The following TOX2 variants were observed in gnomAD, a reference collection of about 807,000 sequenced individuals.
The protein encoded by TOX2 is TOX high mobility group box family member 2.
TOX2 carries 15 observed loss-of-function variants against 47.4 expected under a neutral mutation model. The ratio of observed to expected loss-of-function variants is 0.32; its 90% CI spans 0.21 to 0.49. The LOEUF (loss-of-function observed/expected upper bound fraction) is 0.49. Ranked by LOEUF, TOX2 falls within the 20% of genes least tolerant of loss-of-function variation. TOX2 has a pLI of 0.99. For synonymous variants in TOX2, 290 were observed against 296.6 expected (o/e 0.98, Z 0.23); for missense variants, 622 against 673.1 (o/e 0.92, Z 0.84).
intron 3 of TOX2, among the ~76,000 whole-genome samples, chr20:44,026,945 C>T (rs1405524778): frequency 6.6e-6 from 1 of 152,312 alleles, no homozygotes; most frequent in Non-Finnish European, 1.5e-5. Flanking sequence ...TCAGTCTCGG[C>T]TTAACCAGCC....
At chr20:44,032,780 T>C (rs1423465170) in intron 3 of TOX2, among the ~76,000 whole-genome samples, 1 of 152,180 alleles carries the variant, frequency 6.6e-6, no homozygotes, top group Non-Finnish European at 1.5e-5. Context: ...CCCAGGGGCT[T>C]GGTGACCCGT....
At chr20:43,933,410 A>C (rs937132170) in intron 1 of TOX2, among the ~76,000 whole-genome samples, 1 of 152,180 alleles carries the variant, frequency 6.6e-6, no homozygotes, top group Non-Finnish European at 1.5e-5. Flanking sequence ...GAATCACATG[A>C]GGGTCTTGTG....
intron 3 of TOX2, among the ~76,000 whole-genome samples, chr20:44,026,629 G>A (rs1465836163): frequency 6.6e-6 from 1 of 151,920 alleles, no homozygotes; most frequent in Non-Finnish European, 1.5e-5. Context: ...CCTAAAAAGG[G>A]GGTGCTGGAG....
chr20:44,021,802 A>AT (rs34597914), intron 3 of TOX2, among the ~76,000 whole-genome samples: 95,461 of 145,036 alleles, frequency 0.66, 31,394 homozygotes, highest in East Asian at 0.78. Context: ...CTAATTTTTG[A>AT]TTTTTTTTTT....
At chr20:44,000,751 G>C (rs1005021248) in intron 2 of TOX2, among the ~76,000 whole-genome samples, 1 of 152,028 alleles carries the variant, frequency 6.6e-6, no homozygotes, top group Admixed American at 6.6e-5. Context: ...AACCAACAAA[G>C]GACATACAGA....
At chr20:44,053,489 T>C (rs1185785147) in intron 4 of TOX2, among the ~76,000 whole-genome samples, 1 of 146,716 alleles carries the variant, frequency 6.8e-6, no homozygotes, top group Admixed American at 6.8e-5. Context: ...TATACACACA[T>C]ATATATACAG....
At chr20:43,979,318 G>A (rs1056399575) in intron 2 of TOX2, among the ~76,000 whole-genome samples, 1 of 152,172 alleles carries the variant, frequency 6.6e-6, no homozygotes, top group African/African-American at 2.4e-5. Flanking sequence ...CAATGACTCT[G>A]AGATGTTGAG....
chr20:44,021,134 G>A (rs1484608910), intron 3 of TOX2, among the ~76,000 whole-genome samples: 1 of 152,154 alleles, frequency 6.6e-6, no homozygotes, highest in African/African-American at 2.4e-5. Context: ...GAAAAGAAAG[G>A]GGGCCTAGGA....
At chr20:44,042,005 CAT>C (rs1329603676) in intron 3 of TOX2, among the ~76,000 whole-genome samples, 2 of 152,200 alleles carry the variant, frequency 1.3e-5, no homozygotes, top group African/African-American at 2.4e-5. Flanking sequence ...TCAGGTAAAA[CAT>C]GTGTATTAGT....
intron 2 of TOX2, among the ~76,000 whole-genome samples, chr20:43,979,105 G>A (rs2070129123): frequency 6.6e-6 from 1 of 152,138 alleles, no homozygotes; most frequent in Non-Finnish European, 1.5e-5. Context: ...GAAACCCTGG[G>A]GATTTGCAGG....
At chr20:44,033,206 G>T (rs1273035906) in intron 3 of TOX2, among the ~76,000 whole-genome samples, 1 of 152,150 alleles carries the variant, frequency 6.6e-6, no homozygotes, top group Non-Finnish European at 1.5e-5. Context: ...CACGGGGGAG[G>T]CTTCCTATTG....
chr20:43,923,540 A>T (rs966954937), intron 1 of TOX2, among the ~76,000 whole-genome samples: 1 of 152,218 alleles, frequency 6.6e-6, no homozygotes, highest in African/African-American at 2.4e-5. Flanking sequence ...CCAGTCTGGG[A>T]TCCACACTTA....
chr20:43,956,559 T>TAAAA (rs11474983), intron 1 of TOX2, among the ~76,000 whole-genome samples: 1 of 120,474 alleles, frequency 8.3e-6, no homozygotes, highest in Non-Finnish European at 1.7e-5. Context: ...GTTCTATCTT[T>TAAAA]AAAAAAAAAA....
At chr20:43,935,443 G>A (rs1164046993) in intron 1 of TOX2, among the ~76,000 whole-genome samples, 3 of 152,222 alleles carry the variant, frequency 2.0e-5, no homozygotes, top group South Asian at 2.1e-4. Flanking sequence ...GAGTTGGGGC[G>A]GGGACGAGGA....
chr20:44,066,737 C>G lies in TOX2; in HGVS notation c.1364C>G (p.Pro455Arg). 6.2e-7 allele frequency: 1 copy of G among 1,614,152 alleles called. No individual in the cohort carries two copies. Among genetic ancestry groups the G allele is most frequent in the Non-Finnish European group, 8.5e-7 (1 of 1,180,008 alleles). Reference sequence around the variant, plus strand: ...CTCCTTCCCACTCTGTAGGACTTCCCGCACATCTCTGAGTTCCCCAGCAGC... The same window carrying G: ...CTCCTTCCCACTCTGTAGGACTTCCGGCACATCTCTGAGTTCCCCAGCAGC... ...SPSPPGPQDF[P>R]HISEFPSSSG... Residue 455 changes from proline to arginine, a missense_variant, in exon 8 of 9, where the codon CCG becomes CGG. Pro to Arg is a moderately radical substitution (Grantham distance 103). Transcript: ENST00000341197.
In TOX2 at chr20:44,018,092, A is replaced by AG. The variant is rs34122406; in HGVS notation, c.411+11305dup. Among the ~76,000 whole-genome samples the AG allele has an allele frequency of 3.9e-5, 6 of 152,264 alleles. No individual in the cohort carries two copies. The South Asian group carries it at 8.3e-4, about 21-fold the overall frequency. On this transcript the variant is annotated intron_variant, in intron 3 of 8. Coordinates refer to ENST00000341197, the MANE Select transcript of TOX2 (RefSeq NM_001098797.2). ...TGTCCCGGCACCGAAGGCTTCCTGG[A>AG]GGGGGTAGCCTTGGGGGCCAGAGGA...
chr20:43,957,371 T>C (rs774398054), intron 1 of TOX2, among the ~76,000 whole-genome samples: 1 of 152,256 alleles, frequency 6.6e-6, no homozygotes, highest in Non-Finnish European at 1.5e-5. Context: ...GTAGCTGTTA[T>C]AAGCGTGAGC....
intron 1 of TOX2, among the ~76,000 whole-genome samples, chr20:43,923,336 A>G (rs1188417926): frequency 6.6e-6 from 1 of 152,206 alleles, no homozygotes; most frequent in African/African-American, 2.4e-5. Context: ...CTGATGGGAA[A>G]GTCTAATGAC....
chr20:43,954,279 T>G (rs1043519802), intron 1 of TOX2, among the ~76,000 whole-genome samples: 5 of 152,194 alleles, frequency 3.3e-5, no homozygotes, highest in Non-Finnish European at 7.3e-5. Flanking sequence ...CCTGACAGCC[T>G]CCTTCTCTCT....
Sources: gnomAD v4.1 joint callset for allele counts (sites outside exome capture counted in the v4.1 genomes callset) on GRCh38, gnomAD v4.1.1 for gene constraint, MANE v1.5 for transcripts, NCBI Gene and HGNC (gene_info 2026-07-23, HGNC 2026-07-21) for gene names.